Variants in XIAP observed in about 807,000 individuals in gnomAD.
XIAP encodes the protein E3 ubiquitin-protein ligase XIAP.
A neutral mutation model predicts 33.1 loss-of-function variants in XIAP; 3 were observed. The ratio of observed to expected loss-of-function variants is 0.09; its 90% CI spans 0.04 to 0.23. XIAP has a LOEUF of 0.23. Among genes scored for constraint, XIAP ranks in the 10% least tolerant of loss-of-function variants. The pLI, the probability that XIAP is intolerant of heterozygous loss-of-function variation, is 1.00. For missense variants in XIAP, 264 were observed against 363.0 expected, an observed-to-expected ratio of 0.73 and a Z score of 2.22; for synonymous variants, 98 against 121.3, an observed-to-expected ratio of 0.81 and a Z score of 1.26.
rs61757631 is a variant in XIAP, at chrX:123,907,065, A to G, written c.1378A>G (p.Ile460Val). The G allele has an allele frequency of 2.5e-6, 3 of 1,210,279 alleles. No individual in the cohort carries two copies. The highest frequency in any genetic ancestry group is 3.4e-6 in the Non-Finnish European group (3 of 895,163). Residue 460 changes from isoleucine (I) to valine (V), a missense_variant, in exon 7 of 7, where the codon ATC becomes GTC. Coordinates refer to ENST00000371199, the MANE Select transcript of XIAP (RefSeq NM_001167.4). ...AATCTGTATGGATAGAAATATTGCT[A>G]TCGTTTTTGTTCCTTGTGGACATCT... ...CKICMDRNIA[I>V]VFVPCGHLVT...
rs57436822 is a variant in XIAP at position 123,869,362 on chromosome X, C to CAAAAAAAAAAAAAAAAAA, written c.-33+9074_-33+9091dup. Among the ~76,000 whole-genome samples the CAAAAAAAAAAAAAAAAAA allele has an allele frequency of 8.2e-3, 245 of 29,705 alleles. 17 individuals are homozygous for CAAAAAAAAAAAAAAAAAA. Among genetic ancestry groups the CAAAAAAAAAAAAAAAAAA allele is most frequent in the Non-Finnish European group, 9.1e-3 (162 of 17,841 alleles). The allele number at this position is 29,705 out of a possible 115,157, so 25.8% of individuals were successfully genotyped here. ...AAACCCCATCTCTACTAAAAAAATA[C>CAAAAAAAAAAAAAAAAAA]AAAAAAAAAAAAAAAAAAAAAAGCT... On this transcript the variant is annotated intron_variant, in intron 1 of 6. Coordinates refer to ENST00000371199, the MANE Select transcript of XIAP (RefSeq NM_001167.4).
At chrX:123,886,649 G>A in intron 2 of XIAP, 110 bp downstream of exon 2, 1 of 828,533 alleles carries the variant, frequency 1.2e-6, no homozygotes, top group East Asian at 3.3e-5. Flanking sequence ...GGTATAACTT[G>A]GCATGATTAT....
At chrX:123,860,357 C>G in intron 1 of XIAP, 64 bp downstream of exon 1, 1 of 322,776 alleles carries the variant, frequency 3.1e-6, no homozygotes, top group South Asian at 2.6e-5. Flanking sequence ...TCCTCCCTCC[C>G]CTCTTCTTTT....
At chrX:123,889,801 G>T (rs914127558) in intron 3 of XIAP, among the ~76,000 whole-genome samples, 1 of 110,088 alleles carries the variant, frequency 9.1e-6, no homozygotes, top group Non-Finnish European at 1.9e-5. Flanking sequence ...TTACAAGCAT[G>T]CTCCACCTTG....
chrX:123,888,459 T>TA (rs1181335927), intron 2 of XIAP, among the ~76,000 whole-genome samples, 160 bp from the exon 3 acceptor site: 2 of 112,860 alleles, frequency 1.8e-5, no homozygotes, highest in Non-Finnish European at 3.7e-5. Flanking sequence ...CCTCAAAGGA[T>TA]AAAAATCATA....
chrX:123,907,745 G>C lies in XIAP; in HGVS notation c.*564G>C. ...GCGAATTATTTTTTTAAAGTGATTT[G>C]CCATTTTTGAAAGCGTATTTAATGA... On this transcript the variant is annotated 3_prime_UTR_variant, in exon 7 of 7. Coordinates refer to ENST00000371199, the MANE Select transcript of XIAP (RefSeq NM_001167.4). The C allele has an allele frequency of 2.6e-6, 1 of 378,501 alleles. No individual in the cohort carries two copies. The allele number at this position is 378,501 out of a possible 1,213,427, so 31.2% of individuals were successfully genotyped here.
chrX:123,907,915 G>T lies in XIAP; in HGVS notation c.*734G>T. 1 of 300,226 alleles carries T rather than the reference G, an allele frequency of 3.3e-6. No homozygotes were observed. Among genetic ancestry groups the T allele is most frequent in the Non-Finnish European group, 6.2e-6 (1 of 161,589 alleles). The allele number at this position is 300,226 out of a possible 1,213,427, so 24.7% of individuals were successfully genotyped here. On this transcript the variant is annotated 3_prime_UTR_variant, in exon 7 of 7. Transcript: ENST00000371199. The stretch of plus-strand genomic sequence containing the variant: ...TAATATGCATAGAACAAAAGATTTG[G>T]AAAGATATACACCAAACTGTTAAAT...
chrX:123,881,941 G>A (rs1320431458), intron 1 of XIAP, among the ~76,000 whole-genome samples: 1 of 110,421 alleles, frequency 9.1e-6, no homozygotes, highest in Non-Finnish European at 1.9e-5. Context: ...TTTTGGTAGA[G>A]ATGGGGTTTC....
At chrX:123,891,461 GTACAT>G (rs1282980477) in intron 4 of XIAP, 145 bp downstream of exon 4, 3 of 294,153 alleles carry the variant, frequency 1.0e-5, no homozygotes, top group Admixed American at 1.2e-4. Context: ...CAATATATGT[GTACAT>G]TACATCAAAA....
chrX:123,892,759 T>C lies in XIAP; in HGVS notation c.1085T>C (p.Leu362Pro), dbSNP rs2053419415. The change falls in exon 5 of 7, where the codon CTA becomes CCA. Residue 362 changes from leucine (L) to proline (P), a missense_variant. Physicochemically the swap from Leu to Pro is moderately conservative, Grantham distance 98 (BLOSUM62 -3). Transcript: ENST00000371199. ...AGAACTACTGAGAAAACACCATCAC[T>C]AACTAGAAGAATTGGTAAATATGCT... ...LVRTTEKTPS[L>P]TRRIDDTIFQ... is the part of the protein sequence containing the mutation. 1 of 1,196,650 alleles carries C rather than the reference T, an allele frequency of 8.4e-7. No homozygotes were observed.
rs2148118543 is a variant in XIAP at position 123,913,902 on chromosome X, A to G, written c.*6721A>G. On this transcript the variant is annotated 3_prime_UTR_variant, in exon 7 of 7. Coordinates refer to ENST00000371199, the MANE Select transcript of XIAP (RefSeq NM_001167.4). ...ATTGCTTTCTGCTGTATAATCTGGC[A>G]TTCATTGTAGATTAAAGCTTATTTT... is the stretch of plus-strand genomic sequence containing the variant. 3.2e-6 allele frequency: 1 copy of G among 313,211 alleles called. No homozygotes were observed. The allele number at this position is 313,211 out of a possible 1,213,427, so 25.8% of individuals were successfully genotyped here. A position where few individuals can be genotyped will look rare whatever the true frequency, so the allele number is the denominator to read the frequency against.
chrX:123,893,756 G>A (rs981698120), intron 5 of XIAP, among the ~76,000 whole-genome samples: 2 of 111,527 alleles, frequency 1.8e-5, no homozygotes, highest in Non-Finnish European at 1.9e-5. Flanking sequence ...CGGGAGAATC[G>A]CTTGAACCTG....
Position 123,870,883 on chromosome X carries a change from C to T in XIAP, c.-33+10590C>T, listed in dbSNP as rs142697055. On this transcript the variant is annotated intron_variant, in intron 1 of 6. Transcript: ENST00000371199. Reference sequence around the variant, plus strand: ...TCTGAGGTGAGAAGATCACTTGAGGCCAGGAGTTCAAGACCAGCTTGAGCA... The same window carrying T: ...TCTGAGGTGAGAAGATCACTTGAGGTCAGGAGTTCAAGACCAGCTTGAGCA... 4.3e-3 allele frequency among the ~76,000 whole-genome samples: 481 copies of T among 111,900 alleles called. 2 individuals are homozygous for T. The highest frequency in any genetic ancestry group is 0.014 in the African/African-American group (445 of 30,862).
At chrX:123,893,063 G>T (rs1019437212) in intron 5 of XIAP, among the ~76,000 whole-genome samples, 2 of 108,366 alleles carry the variant, frequency 1.8e-5, no homozygotes, top group Non-Finnish European at 3.8e-5. Context: ...CTTGTGATGC[G>T]CCCGCCTCGG....
At chrX:123,885,133 T>C (rs2053340293) in intron 1 of XIAP, among the ~76,000 whole-genome samples, 1 of 111,462 alleles carries the variant, frequency 9.0e-6, no homozygotes, top group Non-Finnish European at 1.9e-5. Context: ...AATATTATGA[T>C]TAAAACATAT....
chrX:123,871,971 C>T (rs1359870218), intron 1 of XIAP, among the ~76,000 whole-genome samples: 3 of 110,250 alleles, frequency 2.7e-5, no homozygotes, highest in Non-Finnish European at 3.8e-5. Flanking sequence ...TATGGTGGCA[C>T]GTGCCTGTAA....
At chrX:123,901,989 CG>C (rs2053518213) in intron 6 of XIAP, among the ~76,000 whole-genome samples, 1 of 111,652 alleles carries the variant, frequency 9.0e-6, no homozygotes, top group South Asian at 3.8e-4. Context: ...TGTGCCACCA[CG>C]CCCGGCTAAT....
intron 1 of XIAP, among the ~76,000 whole-genome samples, chrX:123,864,662 GTGTGTGTGTGTGTGTGTGTT>G (rs1232438436): frequency 1.3e-3 from 80 of 59,855 alleles, no homozygotes; most frequent in Non-Finnish European, 2.1e-3. Flanking sequence ...GTGTGTGTGT[GTGTGTGTGTGTGTGTGTGTT>G]TTAGTAAAGA....
At chrX:123,903,179 A>AT (rs2053527787) in intron 6 of XIAP, among the ~76,000 whole-genome samples, 1 of 82,120 alleles carries the variant, frequency 1.2e-5, no homozygotes, top group African/African-American at 5.0e-5. Context: ...ATTATTTTAT[A>AT]ATTTTTTTTT....
Sources: gnomAD v4.1 joint callset for allele counts (sites outside exome capture counted in the v4.1 genomes callset) on GRCh38, gnomAD v4.1.1 for gene constraint, MANE v1.5 for transcripts, NCBI Gene and HGNC (gene_info 2026-07-23, HGNC 2026-07-21) for gene names.